Variants in PHEX observed in about 807,000 individuals in gnomAD.
The protein encoded by PHEX is phosphate regulating endopeptidase X-linked.
PHEX carries 16 observed loss-of-function variants against 68.0 expected under a neutral mutation model. The observed-to-expected ratio is 0.24, with a 90% CI of 0.16 to 0.36. PHEX has a LOEUF of 0.36. Ranked by LOEUF, PHEX falls within the 10% of genes least tolerant of loss-of-function variation. The pLI, the probability that PHEX is intolerant of heterozygous loss-of-function variation, is 1.00. For missense variants in PHEX, 480 were observed against 575.5 expected (o/e 0.83, Z 1.70); for synonymous variants, 208 against 205.1 (o/e 1.01, Z -0.12).
intron 13 of PHEX, among the ~76,000 whole-genome samples, chrX:22,174,879 C>CT (rs1371805523): frequency 2.7e-5 from 3 of 111,980 alleles, no homozygotes; most frequent in Non-Finnish European, 5.6e-5. Flanking sequence ...ACTGCTTCTA[C>CT]TCCCTTCCTC....
chrX:22,157,531 G>A (rs1019488757), intron 12 of PHEX, among the ~76,000 whole-genome samples: 1 of 112,352 alleles, frequency 8.9e-6, no homozygotes, highest in Non-Finnish European at 1.9e-5. Context: ...ACTCTGTTCA[G>A]TACAGGGCTC....
chrX:22,131,332 C>T (rs988530934), intron 11 of PHEX, among the ~76,000 whole-genome samples: 4 of 112,526 alleles, frequency 3.6e-5, no homozygotes, highest in Non-Finnish European at 7.5e-5. Context: ...TGAGCCCCTG[C>T]GGCCAGCTCT....
At chrX:22,102,020 C>G (rs1268658723) in intron 9 of PHEX, among the ~76,000 whole-genome samples, 1 of 111,710 alleles carries the variant, frequency 9.0e-6, no homozygotes, top group Non-Finnish European at 1.9e-5. Flanking sequence ...ATAATCACAT[C>G]AAGGTAAATG....
intron 2 of PHEX, 24 bp from the exon 3 acceptor site, chrX:22,047,026 T>A: frequency 8.5e-7 from 1 of 1,172,281 alleles, no homozygotes; most frequent in Non-Finnish European, 1.2e-6. Context: ...TTGTCATTAA[T>A]CCTATGATTT....
chrX:22,065,602 T>A (rs1314097285), intron 3 of PHEX, among the ~76,000 whole-genome samples: 2 of 111,483 alleles, frequency 1.8e-5, no homozygotes, highest in Non-Finnish European at 3.8e-5. Context: ...ATTTTTGTAT[T>A]TTTAGTAGAG....
At chrX:22,191,307 C>T (rs937322469) in intron 15 of PHEX, among the ~76,000 whole-genome samples, 1 of 112,251 alleles carries the variant, frequency 8.9e-6, no homozygotes, top group African/African-American at 3.2e-5. Context: ...GGATTACAGG[C>T]GTGAGCCACT....
At chrX:22,208,170 C>T (rs769560424) in intron 15 of PHEX, among the ~76,000 whole-genome samples, 3 of 109,751 alleles carry the variant, frequency 2.7e-5, no homozygotes, top group Admixed American at 9.9e-5. Flanking sequence ...GCCCTTTTTA[C>T]GAGCCACCAC....
At chrX:22,122,684 C>T (rs1369036166) in intron 11 of PHEX, among the ~76,000 whole-genome samples, 1 of 111,795 alleles carries the variant, frequency 8.9e-6, no homozygotes, top group Non-Finnish European at 1.9e-5. Context: ...GGTGGGCCCC[C>T]ATGCAGCTCT....
At chrX:22,111,700 G>A (rs1444540493) in intron 10 of PHEX, 140 bp downstream of exon 10, 2 of 490,265 alleles carry the variant, frequency 4.1e-6, no homozygotes, top group Non-Finnish European at 7.1e-6. Flanking sequence ...TTGTTTTTGT[G>A]TGTGTGTGTG....
In PHEX at chrX:22,249,455, A is replaced by AATATATATATATATATATAT. The variant is rs1198426834; in HGVS notation, c.*1515_*1534dup. The AATATATATATATATATATAT allele has an allele frequency of 1.5e-4, 6 of 39,746 alleles. No individual in the cohort carries two copies. Among genetic ancestry groups the AATATATATATATATATATAT allele is most frequent in the Admixed American group, 2.6e-4 (1 of 3,809 alleles). 3.3% of individuals were successfully genotyped at this position (39,746 alleles called of 1,213,427 possible). A position where few individuals can be genotyped will look rare whatever the true frequency, so the allele number is the denominator to read the frequency against. On this transcript the variant is annotated 3_prime_UTR_variant, in exon 22 of 22. Coordinates refer to ENST00000379374, the MANE Select transcript of PHEX (RefSeq NM_000444.6). Reference sequence around the variant, plus strand: ...TTGTGATTCTTTTAAAAAAAAAAAAAATATATATATATATATATATATATA... The same window carrying AATATATATATATATATATAT: ...TTGTGATTCTTTTAAAAAAAAAAAAAATATATATATATATATATATATATATATATATATATATATATATA...
rs143750363 is a variant in PHEX at position 22,096,786 on chromosome X, T to C, written c.850-169T>C. On this transcript the variant is annotated intron_variant, in intron 7 of 21. Coordinates refer to ENST00000379374, the MANE Select transcript of PHEX (RefSeq NM_000444.6). ...AGGAGGATATGAAAGTTTATTTTCT[T>C]AATCCTGCCTAAAGTGATGTCTTTT... Among the ~76,000 whole-genome samples, 1,532 of 112,010 alleles carry C rather than the reference T, an allele frequency of 0.014. 23 individuals are homozygous for C. Among genetic ancestry groups the C allele is most frequent in the African/African-American group, 0.046 (1,414 of 30,771 alleles).
intron 5 of PHEX, among the ~76,000 whole-genome samples, chrX:22,081,484 A>G (rs1052543825): frequency 1.8e-5 from 2 of 111,559 alleles, no homozygotes; most frequent in African/African-American, 6.5e-5. Flanking sequence ...TTTCCATCGA[A>G]TTCAATTTTC....
chrX:22,180,546 A>G (rs1405735655), intron 14 of PHEX, among the ~76,000 whole-genome samples: 1 of 112,027 alleles, frequency 8.9e-6, no homozygotes, highest in Non-Finnish European at 1.9e-5. Flanking sequence ...AGATATTTCA[A>G]TACAGGCATA....
chrX:22,131,164 T>C (rs776781701), intron 11 of PHEX, among the ~76,000 whole-genome samples: 19 of 110,416 alleles, frequency 1.7e-4, no homozygotes, highest in Non-Finnish European at 3.4e-4. Context: ...CTCAGCCTCC[T>C]GAGTAGCTGG....
chrX:22,197,992 T>G (rs1335849149), intron 15 of PHEX, among the ~76,000 whole-genome samples: 1 of 107,481 alleles, frequency 9.3e-6, no homozygotes, highest in Admixed American at 1.0e-4. Flanking sequence ...TGATACTATA[T>G]ATTTAATATC....
rs1935266740 is a variant in PHEX, at chrX:22,221,539, G to A, written c.1769-74G>A. 3.2e-6 allele frequency: 3 copies of A among 931,841 alleles called. No individual in the cohort carries two copies. The Admixed American group carries it at 6.7e-5, about 21-fold the overall frequency. The allele number at this position is 931,841 out of a possible 1,213,427, so 76.8% of individuals were successfully genotyped here. A position where few individuals can be genotyped will look rare whatever the true frequency, so the allele number is the denominator to read the frequency against. On this transcript the variant is annotated intron_variant, in intron 17 of 21. Coordinates refer to ENST00000379374, the MANE Select transcript of PHEX (RefSeq NM_000444.6). Reference sequence around the variant, plus strand: ...TATGACTGCTTTTTGAAGGCTTGTCGAGGTGAGGGAAAGGAAAGATGAATT... The same window carrying A: ...TATGACTGCTTTTTGAAGGCTTGTCAAGGTGAGGGAAAGGAAAGATGAATT...
Position 22,099,040 on chromosome X carries a change from A to G in PHEX, c.968A>G (p.Asp323Gly). 1 of 1,208,927 alleles carries G rather than the reference A, an allele frequency of 8.3e-7. No homozygotes were observed. Among genetic ancestry groups the G allele is most frequent in the Non-Finnish European group, 1.1e-6 (1 of 893,423 alleles). Residue 323 changes from aspartate (D) to glycine (G), a missense_variant, in exon 9 of 22, where the codon GAC becomes GGC. Coordinates refer to ENST00000379374, the MANE Select transcript of PHEX (RefSeq NM_000444.6). ...DWLGYIKKVI[D>G]TRLYPHLKDI... is the part of the protein sequence containing the mutation. ...CTGGGCTACATCAAGAAGGTCATTG[A>G]CACCAGACTCTACCCCCATCTGAAA...
At chrX:22,074,869 C>G (rs1040106831) in intron 3 of PHEX, among the ~76,000 whole-genome samples, 1 of 110,923 alleles carries the variant, frequency 9.0e-6, no homozygotes, top group Non-Finnish European at 1.9e-5. Context: ...TGAGGTCAGG[C>G]GTTTGAGACC....
intron 3 of PHEX, among the ~76,000 whole-genome samples, chrX:22,067,584 A>G (rs947055818): frequency 9.0e-6 from 1 of 111,544 alleles, no homozygotes; most frequent in African/African-American, 3.3e-5. Flanking sequence ...GATTTGAGGT[A>G]GGGTAGGAAA....
Sources: gnomAD v4.1 joint callset for allele counts (sites outside exome capture counted in the v4.1 genomes callset) on GRCh38, gnomAD v4.1.1 for gene constraint, MANE v1.5 for transcripts, NCBI Gene and HGNC (gene_info 2026-07-23, HGNC 2026-07-21) for gene names.